The following LCLAT1 variants were observed in gnomAD, a reference collection of about 807,000 sequenced individuals.
LCLAT1 encodes 1-AGP acyltransferase 8.
LCLAT1 carries 11 observed loss-of-function variants against 30.7 expected under a neutral mutation model. The observed-to-expected ratio is 0.36, with a 90% CI of 0.23 to 0.59. LCLAT1 has a LOEUF of 0.59. Among genes scored for constraint, LCLAT1 ranks in the 20% least tolerant of loss-of-function variants. The pLI is 0.77. For missense variants in LCLAT1, 402 were observed against 458.6 expected, an observed-to-expected ratio of 0.88 and a Z score of 1.13; for synonymous variants, 155 against 151.3, an observed-to-expected ratio of 1.02 and a Z score of -0.18.
chr2:30,484,192 A>G (rs914932403), intron 1 of LCLAT1, among the ~76,000 whole-genome samples: 1 of 152,130 alleles, frequency 6.6e-6, no homozygotes. Flanking sequence ...AGACTCTTTA[A>G]TTGCTTCAAA....
chr2:30,497,446 A>G (rs1353142670), intron 1 of LCLAT1, among the ~76,000 whole-genome samples: 3 of 152,172 alleles, frequency 2.0e-5, no homozygotes, highest in Non-Finnish European at 4.4e-5. Flanking sequence ...TAAAAATGTT[A>G]GACTTTGCAT....
intron 1 of LCLAT1, chr2:30,476,698 G>A (rs375182397): frequency 5.1e-5 from 16 of 315,278 alleles, no homozygotes; most frequent in African/African-American, 1.3e-4. Context: ...AATAAAGTAC[G>A]CAATAAATGT....
intron 5 of LCLAT1, among the ~76,000 whole-genome samples, chr2:30,621,740 A>T (rs1668260301): frequency 6.6e-6 from 1 of 152,126 alleles, no homozygotes; most frequent in Admixed American, 6.5e-5. Context: ...AGCAGTGGGG[A>T]GAGCCCTGTG....
intron 3 of LCLAT1, 106 bp from the exon 4 acceptor site, chr2:30,562,040 A>AAT (rs1369056730): frequency 1.5e-6 from 1 of 681,726 alleles, no homozygotes; most frequent in Admixed American, 3.2e-5. Flanking sequence ...TGTTTACAAT[A>AAT]ATAAATAATA....
At chr2:30,482,177 A>C (rs949308930) in intron 1 of LCLAT1, among the ~76,000 whole-genome samples, 1 of 152,240 alleles carries the variant, frequency 6.6e-6, no homozygotes, top group Non-Finnish European at 1.5e-5. Flanking sequence ...TAAGACAGAC[A>C]TCTAAATAGG....
chr2:30,617,822 A>G (rs986074352), intron 5 of LCLAT1, among the ~76,000 whole-genome samples: 2 of 152,100 alleles, frequency 1.3e-5, no homozygotes, highest in African/African-American at 4.8e-5. Context: ...CCAATTTTTT[A>G]TCCAATTTAA....
rs950525462 is a variant in LCLAT1, at chr2:30,641,764, A to G, written c.*1145A>G. 3 of 152,128 alleles carry G rather than the reference A, an allele frequency of 2.0e-5. No individual in the cohort carries two copies. Among genetic ancestry groups the G allele is most frequent in the African/African-American group, 7.2e-5 (3 of 41,418 alleles). 9.4% of individuals were successfully genotyped at this position (152,128 alleles called of 1,614,324 possible). A position where few individuals can be genotyped will look rare whatever the true frequency, so the allele number is the denominator to read the frequency against. On this transcript the variant is annotated 3_prime_UTR_variant, in exon 6 of 6. Coordinates refer to ENST00000379509, the MANE Select transcript of LCLAT1 (RefSeq NM_001002257.3). ...ATAGTAATATTTAAACCCACTTTTG[A>G]CCAATTGTTTGCCCAAATATTCTTG...
intron 1 of LCLAT1, among the ~76,000 whole-genome samples, chr2:30,462,722 G>T (rs923198802): frequency 6.6e-6 from 1 of 152,194 alleles, no homozygotes; most frequent in Admixed American, 6.5e-5. Flanking sequence ...GCTAGCCTGC[G>T]TGATAAGGTT....
intron 5 of LCLAT1, among the ~76,000 whole-genome samples, chr2:30,610,254 G>T (rs911901213): frequency 2.0e-5 from 3 of 151,856 alleles, no homozygotes; most frequent in Non-Finnish European, 4.4e-5. Context: ...ATTATATGCA[G>T]GGCAAAGCAA....
chr2:30,486,080 A>G (rs1683544619), intron 1 of LCLAT1, among the ~76,000 whole-genome samples: 1 of 152,146 alleles, frequency 6.6e-6, no homozygotes, highest in South Asian at 2.1e-4. Context: ...TCTAATTTCC[A>G]AAGCAATACA....
At chr2:30,449,459 A>G (rs1028553606) in intron 1 of LCLAT1, among the ~76,000 whole-genome samples, 6 of 151,382 alleles carry the variant, frequency 4.0e-5, no homozygotes, top group Admixed American at 1.3e-4. Context: ...TGTGTTGCCC[A>G]TTAATTAAAA....
chr2:30,465,684 T>G (rs2148281455), intron 1 of LCLAT1, among the ~76,000 whole-genome samples: 1 of 152,348 alleles, frequency 6.6e-6, no homozygotes, highest in Non-Finnish European at 1.5e-5. Context: ...AAAATGACAT[T>G]AAAATGAAAA....
At chr2:30,590,568 T>A (rs932570351) in intron 5 of LCLAT1, among the ~76,000 whole-genome samples, 4 of 149,612 alleles carry the variant, frequency 2.7e-5, no homozygotes, top group Non-Finnish European at 5.9e-5. Flanking sequence ...CTGGGAGTGA[T>A]GAGGCATGGC....
chr2:30,480,693 C>T (rs973454277), intron 1 of LCLAT1, among the ~76,000 whole-genome samples: 1 of 152,090 alleles, frequency 6.6e-6, no homozygotes, highest in South Asian at 2.1e-4. Context: ...TTCAAGGCTG[C>T]AGTGAGGTGT....
intron 5 of LCLAT1, among the ~76,000 whole-genome samples, chr2:30,572,137 G>A (rs950710643): frequency 2.0e-5 from 3 of 152,158 alleles, no homozygotes; most frequent in Non-Finnish European, 2.9e-5. Context: ...ACCATAAAGG[G>A]AATTCATATT....
chr2:30,466,841 G>A (rs988636543), intron 1 of LCLAT1, among the ~76,000 whole-genome samples: 17 of 152,086 alleles, frequency 1.1e-4, no homozygotes. Context: ...CAGTTATTTA[G>A]GAAGGCTTAA....
At chr2:30,636,268 G>A (rs1473869007) in intron 5 of LCLAT1, among the ~76,000 whole-genome samples, 1 of 152,138 alleles carries the variant, frequency 6.6e-6, no homozygotes, top group Non-Finnish European at 1.5e-5. Flanking sequence ...CCTCTAATTG[G>A]CATTCTCAGC....
intron 1 of LCLAT1, among the ~76,000 whole-genome samples, chr2:30,521,489 C>CTTTTTTTTTTTTTTTTTTTTTTTTTT (rs1262784785): frequency 1.8e-5 from 1 of 55,558 alleles, no homozygotes; most frequent in Non-Finnish European, 3.2e-5. Context: ...TAAACTACTT[C>CTTTTTTTTTTTTTTTTTTTTTTTTTT]TTCTTTTTTT....
At chr2:30,597,144 A>G (rs1442295040) in intron 5 of LCLAT1, among the ~76,000 whole-genome samples, 1 of 147,878 alleles carries the variant, frequency 6.8e-6, no homozygotes, top group East Asian at 2.0e-4. Flanking sequence ...TTGGTTCCAT[A>G]TGAATTTTAA....
Sources: allele counts gnomAD v4.1 joint callset (sites outside exome capture counted in the v4.1 genomes callset), GRCh38; gene constraint gnomAD v4.1.1; transcripts MANE v1.5; gene names NCBI Gene and HGNC (gene_info 2026-07-23, HGNC 2026-07-21).